Variants in FSCN2 observed in about 807,000 individuals in gnomAD.
The protein encoded by FSCN2 is fascin actin-bundling protein 2, retinal.
A neutral mutation model predicts 37.8 loss-of-function variants in FSCN2; 46 were observed. The ratio of observed to expected loss-of-function variants is 1.22; its 90% CI spans 0.96 to 1.56. The LOEUF is 1.56. Among genes scored for constraint, FSCN2 ranks in the 40% most tolerant of loss-of-function variants. The pLI is 0.00. For synonymous variants in FSCN2, 351 were observed against 309.4 expected (o/e 1.13, Z -1.41); for missense variants, 844 against 730.4 (o/e 1.16, Z -1.79).
chr17:81,532,647 G>GTGGTGA (rs1244492315), intron 1 of FSCN2, among the ~76,000 whole-genome samples: 2,161 of 131,076 alleles, frequency 0.016, 88 homozygotes, highest in African/African-American at 0.077. Flanking sequence ...GGTGATGATG[G>GTGGTGA]TGGTGATGGT....
At chr17:81,517,457 C>A in the FSCN2 span, among the ~76,000 whole-genome samples, 1 of 152,200 alleles carries the variant, frequency 6.6e-6, no homozygotes, top group Non-Finnish European at 1.5e-5. Context: ...GACAGGAGGC[C>A]GTCAGGTGGC....
chr17:81,532,516 CGATGGT>C (rs553695000), intron 1 of FSCN2, among the ~76,000 whole-genome samples: 8,325 of 23,688 alleles, frequency 0.35, 948 homozygotes, highest in African/African-American at 0.53. Context: ...ATAATGGTGA[CGATGGT>C]GATGATGATG....
Position 81,535,055 on chromosome 17 carries a change from T to C in FSCN2, c.830T>C (p.Val277Ala). ...CTTCCCCATCTCCTCCCTCCAGGGG[T>C]CAACGTCTCAGCCAATCAGGATGAT... ...NHRYVSVRQG[V>A]NVSANQDDEL... The change falls in exon 2 of 5, where the codon GTC becomes GCC. Residue 277 changes from valine (V) to alanine (A), a missense_variant. Transcript: ENST00000417245. 1.3e-6 allele frequency: 2 copies of C among 1,525,300 alleles called. No individual in the cohort carries two copies. Among genetic ancestry groups the C allele is most frequent in the Non-Finnish European group, 1.8e-6 (2 of 1,141,174 alleles). The allele number at this position is 1,525,300 out of a possible 1,614,324, so 94.5% of individuals were successfully genotyped here.
chr17:81,531,568 T>C (rs1473663160), intron 1 of FSCN2, among the ~76,000 whole-genome samples: 1 of 115,762 alleles, frequency 8.6e-6, no homozygotes, highest in African/African-American at 3.2e-5. Context: ...ATGGTGATGA[T>C]AGTGATGGTG....
chr17:81,521,788 T>C, the FSCN2 span, among the ~76,000 whole-genome samples: 2 of 152,186 alleles, frequency 1.3e-5, no homozygotes, highest in African/African-American at 2.4e-5. Context: ...CCCTTACTAT[T>C]TTAGGGTGTG....
rs564625393 is a variant in FSCN2, at chr17:81,528,406, G to A, written c.-126G>A. 262 of 706,694 alleles carry A rather than the reference G, an allele frequency of 3.7e-4. No homozygotes were observed. Among genetic ancestry groups the A allele is most frequent in the Non-Finnish European group, 5.2e-4 (222 of 425,856 alleles). 43.8% of individuals were successfully genotyped at this position (706,694 alleles called of 1,614,324 possible). ...GCGGGTCAGAGCAGGCAGGGGGTTC[G>A]TGACGCCGGCTGGGTCTGGGGGCTG... On this transcript the variant is annotated 5_prime_UTR_variant, in exon 1 of 5. The change creates a new upstream start codon in the 5' untranslated region. Transcript: ENST00000417245.
intron 1 of FSCN2, among the ~76,000 whole-genome samples, chr17:81,529,808 C>G (rs1424801875): frequency 2.0e-5 from 3 of 152,150 alleles, no homozygotes; most frequent in Non-Finnish European, 2.9e-5. Context: ...TTCTGGACTT[C>G]ATTTATTTAT....
At chr17:81,518,627 C>T in the FSCN2 span, among the ~76,000 whole-genome samples, 1 of 152,198 alleles carries the variant, frequency 6.6e-6, no homozygotes, top group African/African-American at 2.4e-5. Flanking sequence ...CTGGTCAGCT[C>T]CTCCAGCTCT....
rs776065354 is a variant in FSCN2, at chr17:81,536,883, G to T, written c.1282G>T (p.Gly428Ter). 6.4e-7 allele frequency: 1 copy of T among 1,572,554 alleles called. No individual in the cohort carries two copies. The highest frequency in any genetic ancestry group is 1.4e-5 in the African/African-American group (1 of 72,932). Residue 428 changes from glycine to a stop codon, truncating the protein, a stop_gained, in exon 5 of 5, where the codon GGA (glycine) becomes TGA (stop). Transcript: ENST00000417245. LOFTEE classifies it low-confidence loss of function (END_TRUNC). Reference protein sequence around the residue: ...DGAYRIRGRDGGFWYTGSHGS... With the variant: ...DGAYRIRGRD ...GCCGTCCCGTCCCCCAGGCCGCGACGGAGGGTTCTGGTACACGGGCAGCCA... is the reference window on the plus strand; with the variant it reads ...GCCGTCCCGTCCCCCAGGCCGCGACTGAGGGTTCTGGTACACGGGCAGCCA...
chr17:81,531,678 A>G (rs1290310467), intron 1 of FSCN2, among the ~76,000 whole-genome samples: 152 of 60,248 alleles, frequency 2.5e-3, no homozygotes, highest in African/African-American at 0.011. Context: ...GATGGTGATG[A>G]TGATGGTGAT....
At position 81,536,213 on chromosome 17, in the gene FSCN2, C is replaced by A; in HGVS notation, c.1051C>A (p.Arg351Ser). Residue 351 changes from arginine (R) to serine (S), a missense_variant, in exon 3 of 5, where the codon CGC becomes AGC. Transcript: ENST00000417245. ...RRVALKASNG[R>S]YVCMKKNGQL... is the part of the protein sequence containing the mutation. ...GGTAGCACTCAAAGCCAGCAACGGG[C>A]GCTACGTGTGCATGAAGAAGAATGG... 1 of 1,600,636 alleles carries A rather than the reference C, an allele frequency of 6.2e-7. No homozygotes were observed. The highest frequency in any genetic ancestry group is 8.5e-7 in the Non-Finnish European group (1 of 1,174,038).
At chr17:81,534,156 G>A (rs909431536) in intron 1 of FSCN2, among the ~76,000 whole-genome samples, 1 of 152,200 alleles carries the variant, frequency 6.6e-6, no homozygotes, top group East Asian at 1.9e-4. Flanking sequence ...GGGCGTGAGG[G>A]GCAGCTTTGG....
rs569916486 is a variant in FSCN2, at chr17:81,529,120, G to A, written c.589G>A (p.Asp197Asn). 2.7e-5 allele frequency: 42 copies of A among 1,583,088 alleles called. No individual in the cohort carries two copies. Among genetic ancestry groups the A allele is most frequent in the Middle Eastern group, 1.7e-4 (1 of 6,038 alleles). Residue 197 changes from aspartate to asparagine, a missense_variant, in exon 1 of 5, where the codon GAC becomes AAC. Asp to Asn is a conservative substitution (Grantham distance 23). Transcript: ENST00000417245. The stretch of plus-strand genomic sequence containing the variant: ...CTGTGACAGCCGCTACCTGCGCAGC[G>A]ACGGCCGTCTGGTCTGGGAGCCTGA... ...KSCDSRYLRSDGRLVWEPEPR... is the reference protein window; with the variant it reads ...KSCDSRYLRSNGRLVWEPEPR...
Position 81,528,401 on chromosome 17 carries a change from G to A in FSCN2, c.-131G>A. 5 of 677,734 alleles carry A rather than the reference G, an allele frequency of 7.4e-6. No homozygotes were observed. The Admixed American group carries it at 8.0e-5, about 11-fold the overall frequency. 42.0% of individuals were successfully genotyped at this position (677,734 alleles called of 1,614,324 possible). A position where few individuals can be genotyped will look rare whatever the true frequency, so the allele number is the denominator to read the frequency against. On this transcript the variant is annotated 5_prime_UTR_variant, in exon 1 of 5. Coordinates refer to ENST00000417245, the MANE Select transcript of FSCN2 (RefSeq NM_012418.4). ...CAGAGGCGGGTCAGAGCAGGCAGGGGGTTCGTGACGCCGGCTGGGTCTGGG... is the reference window on the plus strand; with the variant it reads ...CAGAGGCGGGTCAGAGCAGGCAGGGAGTTCGTGACGCCGGCTGGGTCTGGG...
chr17:81,530,667 G>A (rs202144071), intron 1 of FSCN2: 6 of 500,264 alleles, frequency 1.2e-5, no homozygotes, highest in African/African-American at 4.0e-5. Context: ...CACCCTGACG[G>A]ATGTCCAGGC....
At chr17:81,519,511 C>T in the FSCN2 span, among the ~76,000 whole-genome samples, 1 of 152,174 alleles carries the variant, frequency 6.6e-6, no homozygotes, top group African/African-American at 2.4e-5. Flanking sequence ...GTCGTTCCCA[C>T]CTGGGCCGCC....
upstream of FSCN2, among the ~76,000 whole-genome samples, chr17:81,525,516 T>A (rs1288795607): frequency 6.8e-6 from 1 of 147,920 alleles, no homozygotes; most frequent in Non-Finnish European, 1.5e-5. Context: ...AGGTCAGGAG[T>A]TCGAGACCAG....
intron 1 of FSCN2, among the ~76,000 whole-genome samples, chr17:81,531,309 G>GTGGTGA (rs2032560486): frequency 1.2e-5 from 1 of 81,858 alleles, no homozygotes; most frequent in African/African-American, 6.4e-5. Context: ...GGTGATGGTG[G>GTGGTGA]TGGTGGTGAT....
rs559914549 is a variant in FSCN2 at position 81,531,597 on chromosome 17, GTGA to G, written c.826+2245_826+2247del. Reference sequence around the variant, plus strand: ...GATGGTGATGATGGTGATGGTGATAGTGATGATAATGGTGATGATGGTGATGGT... The same window carrying G: ...GATGGTGATGATGGTGATGGTGATAGTGATAATGGTGATGATGGTGATGGT... On this transcript the variant is annotated intron_variant, in intron 1 of 4. Transcript: ENST00000417245. Among the ~76,000 whole-genome samples the G allele has an allele frequency of 5.9e-3, 665 of 112,892 alleles. 3 individuals carry two copies. The highest frequency in any genetic ancestry group is 0.01 in the African/African-American group (292 of 28,322). The allele number at this position is 112,892 out of a possible 152,430, so 74.1% of individuals were successfully genotyped here. A position where few individuals can be genotyped will look rare whatever the true frequency, so the allele number is the denominator to read the frequency against.
Sources: allele counts gnomAD v4.1 joint callset (sites outside exome capture counted in the v4.1 genomes callset), GRCh38; gene constraint gnomAD v4.1.1; transcripts MANE v1.5; gene names NCBI Gene and HGNC (gene_info 2026-07-23, HGNC 2026-07-21).